Variants in RAB15 observed in about 807,000 individuals in gnomAD.
The protein encoded by RAB15 is ras-related protein Rab-15.
In RAB15, 13 loss-of-function variants were observed where a neutral mutation model predicts 31.8. The observed-to-expected ratio is 0.41, with a 90% CI of 0.27 to 0.65. The LOEUF (loss-of-function observed/expected upper bound fraction) is 0.65, where lower values mean the gene tolerates loss of function less well. RAB15 is among the 30% of genes least tolerant of loss of function. RAB15 has a pLI of 0.32. For synonymous variants in RAB15, 100 were observed against 105.6 expected (o/e 0.95, Z 0.33); for missense variants, 220 against 277.3 (o/e 0.79, Z 1.47).
chr14:64,951,757 G>T lies in RAB15; in HGVS notation c.186-94C>A. 1.8e-6 allele frequency: 2 copies of T among 1,084,620 alleles called. No individual in the cohort carries two copies. The highest frequency in any genetic ancestry group is 1.4e-6 in the Non-Finnish European group (1 of 701,378). The allele number at this position is 1,084,620 out of a possible 1,614,324, so 67.2% of individuals were successfully genotyped here. A position where few individuals can be genotyped will look rare whatever the true frequency, so the allele number is the denominator to read the frequency against. ...GCTGTCCCCTTGTAGGAAAAACTGG[G>T]GAGCTAAAGGGTGAAAAACCAGGGA... On this transcript the variant is annotated intron_variant, in intron 2 of 6. Transcript: ENST00000533601. The surrounding 1 kb of genome is among the most constrained non-coding windows in gnomAD (Gnocchi z 7.2).
In RAB15 at chr14:64,956,410, C is replaced by CAA. The variant is rs551478593; in HGVS notation, c.125-3841_125-3840dup. The stretch of plus-strand genomic sequence containing the variant: ...TGGGCGACAGGGTGAGACTTCATCT[C>CAA]AAAAAAAAAAAAAAAGAAAAGAAAG... On this transcript the variant is annotated intron_variant, in intron 1 of 6. Coordinates refer to ENST00000533601, the MANE Select transcript of RAB15 (RefSeq NM_001308154.2). 2.2e-4 allele frequency among the ~76,000 whole-genome samples: 16 copies of CAA among 72,942 alleles called. 1 individual carries two copies. The highest frequency in any genetic ancestry group is 1.6e-3 in the South Asian group (4 of 2,432). 47.9% of individuals were successfully genotyped at this position (72,942 alleles called of 152,430 possible). A position where few individuals can be genotyped will look rare whatever the true frequency, so the allele number is the denominator to read the frequency against.
Position 64,953,978 on chromosome 14 carries a change from A to G in RAB15, c.125-1407T>C. 1 of 985,434 alleles carries G rather than the reference A, an allele frequency of 1.0e-6. No individual in the cohort carries two copies. Among genetic ancestry groups the G allele is most frequent in the Non-Finnish European group, 1.2e-6 (1 of 829,936 alleles). 61.0% of individuals were successfully genotyped at this position (985,434 alleles called of 1,614,324 possible). A position where few individuals can be genotyped will look rare whatever the true frequency, so the allele number is the denominator to read the frequency against. On this transcript the variant is annotated intron_variant, in intron 1 of 6. Transcript: ENST00000533601. The surrounding 1 kb of genome is among the most constrained non-coding windows in gnomAD (Gnocchi z 4.6). ...ATCAGTTATTTGCCAAATGGGAGAC[A>G]TCTTCCCTTATCTGTGCTGTCCCCA...
Position 64,946,926 on chromosome 14 carries a change from T to G in RAB15, c.*1428A>C, listed in dbSNP as rs1414657968. On this transcript the variant is annotated 3_prime_UTR_variant, in exon 7 of 7. Coordinates refer to ENST00000533601, the MANE Select transcript of RAB15 (RefSeq NM_001308154.2). The stretch of plus-strand genomic sequence containing the variant: ...GCCATATGGGGTTAAAGAAACTTCC[T>G]GAACATAGCACTCTGGAGGAAGGAG... 2.6e-5 allele frequency: 4 copies of G among 152,622 alleles called. No individual in the cohort carries two copies. The highest frequency in any genetic ancestry group is 4.4e-5 in the Non-Finnish European group (3 of 68,032). 9.5% of individuals were successfully genotyped at this position (152,622 alleles called of 1,614,324 possible).
At chr14:64,960,058 C>T (rs1349018146) in intron 1 of RAB15, among the ~76,000 whole-genome samples, 4 of 152,194 alleles carry the variant, frequency 2.6e-5, no homozygotes, top group Admixed American at 6.5e-5. Context: ...GCCCCATCCT[C>T]TTCCTGCTGT....
chr14:64,967,904 C>G (rs998763276), intron 1 of RAB15, among the ~76,000 whole-genome samples: 1 of 152,166 alleles, frequency 6.6e-6, no homozygotes, highest in Non-Finnish European at 1.5e-5. Flanking sequence ...CCTTCATGCC[C>G]AGATACTACT....
In RAB15 at chr14:64,954,403, CAAG is replaced by C. The variant is rs1886428135; in HGVS notation, c.125-1835_125-1833del. ...TGTTTCATGATACAGCACCTTCTTC[CAAG>C]AAGAACGAGAAATTTTCTCCAATTT... On this transcript the variant is annotated intron_variant, in intron 1 of 6. Coordinates refer to ENST00000533601, the MANE Select transcript of RAB15 (RefSeq NM_001308154.2). This position sits in a 1 kb window ranked among gnomAD's most constrained non-coding sequence, Gnocchi z 4.3. 1.0e-6 allele frequency: 1 copy of C among 985,400 alleles called. No homozygotes were observed. The highest frequency in any genetic ancestry group is 1.2e-6 in the Non-Finnish European group (1 of 829,906). 61.0% of individuals were successfully genotyped at this position (985,400 alleles called of 1,614,324 possible).
chr14:64,954,709 C>G lies in RAB15; in HGVS notation c.125-2138G>C, dbSNP rs1316182322. Among the ~76,000 whole-genome samples, 1 of 152,188 alleles carries G rather than the reference C, an allele frequency of 6.6e-6. No individual in the cohort carries two copies. The highest frequency in any genetic ancestry group is 1.5e-5 in the Non-Finnish European group (1 of 68,040). ...GGTCAGCACAGCACGTGCAGAGATT[C>G]CAACACAGGTCCATCTATGCTGGAA... On this transcript the variant is annotated intron_variant, in intron 1 of 6. Coordinates refer to ENST00000533601, the MANE Select transcript of RAB15 (RefSeq NM_001308154.2). This position sits in a 1 kb window ranked among gnomAD's most constrained non-coding sequence, Gnocchi z 4.3.
chr14:64,960,240 C>G (rs931352281), intron 1 of RAB15, among the ~76,000 whole-genome samples: 4 of 152,204 alleles, frequency 2.6e-5, no homozygotes, highest in Non-Finnish European at 5.9e-5. Flanking sequence ...CCAGCACTCA[C>G]GTGACTCCTA....
At chr14:64,966,038 C>T (rs1217104732) in intron 1 of RAB15, among the ~76,000 whole-genome samples, 1 of 152,180 alleles carries the variant, frequency 6.6e-6, no homozygotes, top group Non-Finnish European at 1.5e-5. Flanking sequence ...CCATCCTCTC[C>T]TCTCAGGTCA....
intron 1 of RAB15, among the ~76,000 whole-genome samples, chr14:64,966,701 A>G (rs1453099838): frequency 6.6e-6 from 1 of 152,206 alleles, no homozygotes; most frequent in Non-Finnish European, 1.5e-5. Flanking sequence ...ACGAAGCACA[A>G]AGATGTCATC....
In RAB15 at chr14:64,952,151, A is replaced by G. The variant is rs1566842816; in HGVS notation, c.185+360T>C. Reference sequence around the variant, plus strand: ...AAACTTCATCATGCTATCCTGAGGAACTCTCTCAGGGTCTCGCCCTAAATG... The same window carrying G: ...AAACTTCATCATGCTATCCTGAGGAGCTCTCTCAGGGTCTCGCCCTAAATG... On this transcript the variant is annotated intron_variant, in intron 2 of 6. Coordinates refer to ENST00000533601, the MANE Select transcript of RAB15 (RefSeq NM_001308154.2). This position sits in a 1 kb window ranked among gnomAD's most constrained non-coding sequence, Gnocchi z 4.2. Among the ~76,000 whole-genome samples the G allele has an allele frequency of 6.6e-6, 1 of 152,110 alleles. No individual in the cohort carries two copies. Among genetic ancestry groups the G allele is most frequent in the East Asian group, 1.9e-4 (1 of 5,192 alleles).
chr14:64,953,042 AGACT>A lies in RAB15; in HGVS notation c.125-475_125-472del, dbSNP rs1161351691. On this transcript the variant is annotated intron_variant, in intron 1 of 6. Transcript: ENST00000533601. This position sits in a 1 kb window ranked among gnomAD's most constrained non-coding sequence, Gnocchi z 4.6. ...AATAACCAGAAGGGGTCATAGTGCC[AGACT>A]GTGGAGAGAGAGGAGGGCTCTTCCA... Among the ~76,000 whole-genome samples the A allele has an allele frequency of 6.6e-6, 1 of 152,194 alleles. No individual in the cohort carries two copies. The highest frequency in any genetic ancestry group is 2.4e-5 in the African/African-American group (1 of 41,438).
At chr14:64,969,980 T>C (rs1271733669) in intron 1 of RAB15, among the ~76,000 whole-genome samples, 2 of 152,148 alleles carry the variant, frequency 1.3e-5, no homozygotes, top group Non-Finnish European at 2.9e-5. Flanking sequence ...GGAGGGTATG[T>C]GTCTCCCAGG....
In RAB15 at chr14:64,952,497, C is replaced by G; in HGVS notation, c.185+14G>C. On this transcript the variant is annotated intron_variant, in intron 2 of 6. Coordinates refer to ENST00000533601, the MANE Select transcript of RAB15 (RefSeq NM_001308154.2). This position sits in a 1 kb window ranked among gnomAD's most constrained non-coding sequence, Gnocchi z 4.2. ...TCTTCTCCTACATCTGCCTCCTCCT[C>G]CTCCCCAGCTCACCAGATCTGTATC... The G allele has an allele frequency of 6.2e-7, 1 of 1,607,402 alleles. No individual in the cohort carries two copies. Among genetic ancestry groups the G allele is most frequent in the Non-Finnish European group, 8.5e-7 (1 of 1,174,266 alleles).
intron 1 of RAB15, among the ~76,000 whole-genome samples, chr14:64,959,346 TCAA>T (rs902923875): frequency 6.6e-6 from 1 of 152,130 alleles, no homozygotes; most frequent in African/African-American, 2.4e-5. Context: ...GCCAGATGCT[TCAA>T]CAAGGGGGCT....
rs770786381 is a variant in RAB15, at chr14:64,953,255, A to G, written c.125-684T>C. Among the ~76,000 whole-genome samples the G allele has an allele frequency of 2.6e-4, 40 of 152,244 alleles. No individual in the cohort carries two copies. The highest frequency in any genetic ancestry group is 4.8e-4 in the Non-Finnish European group (33 of 68,054). ...CTCTGGCCACTCATAGCTCATTGCT[A>G]TAACATCAGGCACCTTGCTTCACTG... On this transcript the variant is annotated intron_variant, in intron 1 of 6. Coordinates refer to ENST00000533601, the MANE Select transcript of RAB15 (RefSeq NM_001308154.2). The surrounding 1 kb of genome is among the most constrained non-coding windows in gnomAD (Gnocchi z 4.6).
Position 64,950,207 on chromosome 14 carries a change from TG to T in RAB15, c.414+117del. On this transcript the variant is annotated intron_variant, in intron 5 of 6. Coordinates refer to ENST00000533601, the MANE Select transcript of RAB15 (RefSeq NM_001308154.2). The surrounding 1 kb of genome is among the most constrained non-coding windows in gnomAD (Gnocchi z 5.6). ...CCACTCCCCCAGGGCCTTGGGGTGC[TG>T]GGGACGTGTGGGAGGACCTGCCACT... 3.6e-6 allele frequency: 3 copies of T among 832,366 alleles called. No homozygotes were observed. Among genetic ancestry groups the T allele is most frequent in the Non-Finnish European group, 4.1e-6 (2 of 482,478 alleles). 51.6% of individuals were successfully genotyped at this position (832,366 alleles called of 1,614,324 possible).
At chr14:64,956,739 T>A (rs923433334) in intron 1 of RAB15, among the ~76,000 whole-genome samples, 1 of 150,476 alleles carries the variant, frequency 6.6e-6, no homozygotes, top group African/African-American at 2.5e-5. Context: ...ACCTACTGAA[T>A]CATAATTTGA....
At chr14:64,966,619 G>A (rs1186363490) in intron 1 of RAB15, among the ~76,000 whole-genome samples, 1 of 152,014 alleles carries the variant, frequency 6.6e-6, no homozygotes, top group Admixed American at 6.6e-5. Context: ...CTTTATATGC[G>A]CTAGGCTCTA....
Sources: gnomAD v4.1 joint callset for allele counts (sites outside exome capture counted in the v4.1 genomes callset) on GRCh38, gnomAD v4.1.1 for gene constraint, Gnocchi (gnomAD v3.1) non-coding constraint, MANE v1.5 for transcripts, NCBI Gene and HGNC (gene_info 2026-07-23, HGNC 2026-07-21) for gene names.